Variants in PLXNC1 observed in about 807,000 individuals in gnomAD.
PLXNC1 encodes plexin-C1.
In PLXNC1, 75 loss-of-function variants were observed where a neutral mutation model predicts 178.2. The observed-to-expected ratio is 0.42, with a 90% CI of 0.35 to 0.51. The LOEUF is 0.51. Ranked by LOEUF, PLXNC1 falls within the 20% of genes least tolerant of loss-of-function variation. The pLI is 0.02. For synonymous variants in PLXNC1, 790 were observed against 779.9 expected (o/e 1.01, Z -0.22); for missense variants, 1,503 against 1,984.4 (o/e 0.76, Z 4.61).
intron 21 of PLXNC1, among the ~76,000 whole-genome samples, chr12:94,274,809 T>C (rs1387668111): frequency 6.6e-6 from 1 of 152,228 alleles, no homozygotes; most frequent in Non-Finnish European, 1.5e-5. Flanking sequence ...GTGCCATTTA[T>C]TTAACCTCTC....
At chr12:94,237,909 G>T in intron 10 of PLXNC1, 106 bp downstream of exon 10, 1 of 1,160,674 alleles carries the variant, frequency 8.6e-7, no homozygotes, top group Middle Eastern at 2.0e-4. Context: ...TTATTGCCAT[G>T]CCCCAAAGCA....
intron 22 of PLXNC1, chr12:94,280,277 G>C (rs1966338753): frequency 6.0e-6 from 1 of 167,512 alleles, no homozygotes; most frequent in Non-Finnish European, 1.3e-5. Flanking sequence ...ACATTTTAAA[G>C]TTGAGCTCCG....
At chr12:94,251,589 C>T in intron 15 of PLXNC1, 61 bp downstream of exon 15, 1 of 1,050,858 alleles carries the variant, frequency 9.5e-7, no homozygotes, top group South Asian at 1.3e-5. Context: ...GCCGGGCAGG[C>T]AGACTTTCAG....
chr12:94,177,235 A>G (rs1308421666), intron 2 of PLXNC1, among the ~76,000 whole-genome samples: 2 of 81,576 alleles, frequency 2.5e-5, no homozygotes, highest in African/African-American at 5.5e-5. Context: ...ATATACATAT[A>G]TATATATATA....
In PLXNC1 at chr12:94,243,935, C is replaced by A; in HGVS notation, c.2301-3C>A. ...CCCTTATTGTTGCTTTTATTCCTTG[C>A]AGTGGTGGTCAAAATATAACCATGA... On this transcript the variant is annotated splice_polypyrimidine_tract_variant and splice_region_variant and intron_variant, in intron 11 of 30. Coordinates refer to ENST00000258526, the MANE Select transcript of PLXNC1 (RefSeq NM_005761.3). The A allele has an allele frequency of 6.5e-7, 1 of 1,533,066 alleles. No homozygotes were observed. The highest frequency in any genetic ancestry group is 9.0e-7 in the Non-Finnish European group (1 of 1,110,672). The allele number at this position is 1,533,066 out of a possible 1,614,324, so 95.0% of individuals were successfully genotyped here.
intron 14 of PLXNC1, among the ~76,000 whole-genome samples, chr12:94,249,672 C>CA (rs997566223): frequency 6.7e-5 from 10 of 150,040 alleles, no homozygotes; most frequent in South Asian, 4.2e-4. Flanking sequence ...GACCCTGTCT[C>CA]AAAAAAAAAT....
intron 4 of PLXNC1, among the ~76,000 whole-genome samples, chr12:94,208,042 C>T (rs1285679773): frequency 1.3e-5 from 2 of 152,164 alleles, no homozygotes; most frequent in Non-Finnish European, 2.9e-5. Flanking sequence ...CCAGCTTCGT[C>T]ATTCTGTTTT....
rs150312114 is a variant in PLXNC1, at chr12:94,184,838, C to T, written c.1339-1535C>T. On this transcript the variant is annotated intron_variant, in intron 3 of 30. Coordinates refer to ENST00000258526, the MANE Select transcript of PLXNC1 (RefSeq NM_005761.3). ...TGAGCAAAAGTGGTCCCAGAACCAG[C>T]TGTTACTTACTATACCCCTCCTGGA... 9.2e-5 allele frequency among the ~76,000 whole-genome samples: 14 copies of T among 152,354 alleles called. 1 individual carries two copies. The highest frequency in any genetic ancestry group is 3.1e-4 in the African/African-American group (13 of 41,582).
intron 21 of PLXNC1, among the ~76,000 whole-genome samples, chr12:94,266,946 C>T (rs1388531876): frequency 6.6e-6 from 1 of 152,158 alleles, no homozygotes; most frequent in Non-Finnish European, 1.5e-5. Flanking sequence ...GGGGAGGGAG[C>T]CCAGGCGTGG....
At chr12:94,182,445 G>A (rs1215796493) in intron 3 of PLXNC1, among the ~76,000 whole-genome samples, 1 of 133,726 alleles carries the variant, frequency 7.5e-6, no homozygotes, top group African/African-American at 2.8e-5. Context: ...AAAAAAAAAG[G>A]CTGGGCATGG....
chr12:94,247,852 A>T (rs1183800072), intron 12 of PLXNC1, 51 bp from the exon 13 acceptor site: 2 of 1,537,164 alleles, frequency 1.3e-6, no homozygotes. Context: ...TAGAGATCAC[A>T]GCTGGGATTC....
At chr12:94,174,493 GT>G (rs1278427330) in intron 2 of PLXNC1, among the ~76,000 whole-genome samples, 6 of 152,118 alleles carry the variant, frequency 3.9e-5, no homozygotes, top group African/African-American at 1.2e-4. Context: ...CAGGGATTTC[GT>G]TTATTCAAAT....
intron 24 of PLXNC1, among the ~76,000 whole-genome samples, chr12:94,295,036 T>A (rs971892585): frequency 6.6e-6 from 1 of 152,300 alleles, no homozygotes; most frequent in South Asian, 2.1e-4. Context: ...GGAAAGTCAA[T>A]AGGCTGGTCT....
At chr12:94,185,248 C>T (rs1404074276) in intron 3 of PLXNC1, among the ~76,000 whole-genome samples, 1 of 152,200 alleles carries the variant, frequency 6.6e-6, no homozygotes, top group Non-Finnish European at 1.5e-5. Flanking sequence ...CGTGGTTATC[C>T]TCCATGAAGT....
Position 94,260,973 on chromosome 12 carries a change from C to T in PLXNC1, c.3450+133C>T. 1 of 764,026 alleles carries T rather than the reference C, an allele frequency of 1.3e-6. No individual in the cohort carries two copies. The highest frequency in any genetic ancestry group is 2.7e-5 in the East Asian group (1 of 37,146). 47.3% of individuals were successfully genotyped at this position (764,026 alleles called of 1,614,324 possible). On this transcript the variant is annotated intron_variant, in intron 20 of 30. Coordinates refer to ENST00000258526, the MANE Select transcript of PLXNC1 (RefSeq NM_005761.3). The surrounding 1 kb of genome is among the most constrained non-coding windows in gnomAD (Gnocchi z 4.4). Reference sequence around the variant, plus strand: ...GCACTTAACCATGTTTCGTCTTGGTCCTGACCCAGAACAGAGAGAGGGAAA... The same window carrying T: ...GCACTTAACCATGTTTCGTCTTGGTTCTGACCCAGAACAGAGAGAGGGAAA...
chr12:94,220,201 C>CA (rs779324411), intron 6 of PLXNC1, 38 bp downstream of exon 6: 12 of 1,588,190 alleles, frequency 7.6e-6, no homozygotes, highest in South Asian at 3.4e-5. Context: ...GTTATAAAAT[C>CA]AAAAAAACAA....
intron 5 of PLXNC1, among the ~76,000 whole-genome samples, chr12:94,211,701 G>T (rs1370211620): frequency 6.6e-6 from 1 of 152,178 alleles, no homozygotes. Context: ...ACTCACTATG[G>T]GATCAGCATT....
chr12:94,231,374 G>GACAC (rs906810934), intron 9 of PLXNC1, among the ~76,000 whole-genome samples: 1 of 152,180 alleles, frequency 6.6e-6, no homozygotes, highest in African/African-American at 2.4e-5. Context: ...GAAATTATGA[G>GACAC]ACACAAGGTT....
intron 15 of PLXNC1, 169 bp from the exon 16 acceptor site, chr12:94,254,618 A>G: frequency 4.2e-6 from 3 of 708,202 alleles, no homozygotes; most frequent in East Asian, 2.7e-5. Context: ...ATTTTCTTAT[A>G]AGATCCAGCT....
Sources: allele counts gnomAD v4.1 joint callset (sites outside exome capture counted in the v4.1 genomes callset), GRCh38; gene constraint gnomAD v4.1.1; non-coding constraint Gnocchi (gnomAD v3.1); transcripts MANE v1.5; gene names NCBI Gene and HGNC (gene_info 2026-07-23, HGNC 2026-07-21).